ZPBP: variants seen among roughly 807,000 people sequenced by gnomAD.
The protein encoded by ZPBP is zona pellucida-binding protein 1.
Under a neutral mutation model 44.8 loss-of-function variants are expected in ZPBP, and 26 were observed. The ratio of observed to expected loss-of-function variants is 0.58; its 90% CI spans 0.43 to 0.81. The LOEUF is 0.81. Ranked by LOEUF, ZPBP falls within the 30% of genes least tolerant of loss-of-function variation. ZPBP has a pLI of 0.00. For synonymous variants in ZPBP, 174 were observed against 153.2 expected (o/e 1.14, Z -1.00); for missense variants, 409 against 434.0 (o/e 0.94, Z 0.51).
At chr7:50,048,620 A>C (rs1800512991) in intron 4 of ZPBP, among the ~76,000 whole-genome samples, 1 of 152,118 alleles carries the variant, frequency 6.6e-6, no homozygotes, top group Non-Finnish European at 1.5e-5. Flanking sequence ...ATAAGTTAGA[A>C]ATAATCTTGA....
At chr7:50,011,534 T>A (rs1798583572) in intron 6 of ZPBP, among the ~76,000 whole-genome samples, 1 of 152,164 alleles carries the variant, frequency 6.6e-6, no homozygotes, top group Non-Finnish European at 1.5e-5. Context: ...CCACTTTTAG[T>A]TAATTATAAA....
chr7:49,844,275 T>G, the ZPBP span, among the ~76,000 whole-genome samples: 1 of 152,214 alleles, frequency 6.6e-6, no homozygotes, highest in Non-Finnish European at 1.5e-5. Context: ...GTCGATTCTA[T>G]CCTCTCAACC....
intron 2 of ZPBP, among the ~76,000 whole-genome samples, chr7:49,898,360 T>G (rs1424322464): frequency 2.0e-5 from 3 of 152,098 alleles, no homozygotes; most frequent in African/African-American, 7.2e-5. Flanking sequence ...ATGATGTTAC[T>G]TCTTTCTTTA....
At chr7:49,983,273 C>T (rs996441854) in intron 7 of ZPBP, 69 bp downstream of exon 7, 12 of 1,393,690 alleles carry the variant, frequency 8.6e-6, no homozygotes, top group Non-Finnish European at 1.2e-5. Flanking sequence ...GATATGCATT[C>T]ACTTAGGCTT....
chr7:50,028,408 C>T (rs1799434155), intron 5 of ZPBP, among the ~76,000 whole-genome samples: 1 of 151,976 alleles, frequency 6.6e-6, no homozygotes, highest in African/African-American at 2.4e-5. Flanking sequence ...AGCTTTCCTC[C>T]TAAGATCAAG....
In ZPBP at chr7:50,032,339, G is replaced by T. The variant is rs146548458; in HGVS notation, c.488-1029C>A. Among the ~76,000 whole-genome samples the T allele has an allele frequency of 7.2e-4, 109 of 152,146 alleles. 2 individuals carry two copies. The East Asian group carries it at 0.019, about 27-fold the overall frequency. On this transcript the variant is annotated intron_variant, in intron 4 of 7. Coordinates refer to ENST00000046087, the MANE Select transcript of ZPBP (RefSeq NM_007009.3). ...TCACATAGAATAACTGAACCTGAGG[G>T]GTCAGAGCTGGAACTATAGTTGAGT...
intron 1 of ZPBP, among the ~76,000 whole-genome samples, chr7:49,922,558 C>A (rs1794068391): frequency 6.6e-6 from 1 of 152,142 alleles, no homozygotes; most frequent in Non-Finnish European, 1.5e-5. Flanking sequence ...ACCTACCAGA[C>A]CAACGGCTGG....
rs113553469 is a variant in ZPBP, at chr7:49,939,678, G to A, written c.962-2056C>T. ...GTAAAACATTTAATATTAAAATTAA[G>A]AAATTAATTTTAAAAATCATAAAAG... is the stretch of plus-strand genomic sequence containing the variant. On this transcript the variant is annotated intron_variant, in intron 7 of 7. Coordinates refer to ENST00000046087, the MANE Select transcript of ZPBP (RefSeq NM_007009.3). Among the ~76,000 whole-genome samples, 933 of 152,070 alleles carry A rather than the reference G, an allele frequency of 6.1e-3. 10 individuals carry two copies. Among genetic ancestry groups the A allele is most frequent in the African/African-American group, 0.022 (893 of 41,520 alleles).
At chr7:49,982,407 A>C (rs1023019451) in intron 7 of ZPBP, among the ~76,000 whole-genome samples, 2 of 140,716 alleles carry the variant, frequency 1.4e-5, no homozygotes, top group African/African-American at 5.2e-5. Flanking sequence ...AAAAAGTTAC[A>C]AAGTTAACAG....
intron 4 of ZPBP, among the ~76,000 whole-genome samples, chr7:50,043,631 C>T (rs1800202597): frequency 6.6e-6 from 1 of 152,158 alleles, no homozygotes; most frequent in Admixed American, 6.5e-5. Flanking sequence ...AGCTAACTAT[C>T]CTAAATATAT....
intron 4 of ZPBP, among the ~76,000 whole-genome samples, chr7:50,035,137 T>A (rs1033593955): frequency 6.6e-6 from 1 of 152,242 alleles, no homozygotes; most frequent in Non-Finnish European, 1.5e-5. Flanking sequence ...CTGGAACTGC[T>A]CTCTCCTATG....
intron 6 of ZPBP, among the ~76,000 whole-genome samples, chr7:49,998,676 G>T (rs914446612): frequency 6.6e-6 from 1 of 152,092 alleles, no homozygotes; most frequent in African/African-American, 2.4e-5. Flanking sequence ...TAAGACTAGA[G>T]AGCCAATTCC....
At chr7:50,069,827 T>C (rs184228414) in intron 3 of ZPBP, among the ~76,000 whole-genome samples, 3 of 152,162 alleles carry the variant, frequency 2.0e-5, no homozygotes, top group East Asian at 1.9e-4. Flanking sequence ...TCCCCTGTCA[T>C]AGCCTGCTGC....
At chr7:49,941,653 T>C (rs969619950) in intron 7 of ZPBP, among the ~76,000 whole-genome samples, 3 of 151,850 alleles carry the variant, frequency 2.0e-5, no homozygotes, top group African/African-American at 4.8e-5. Flanking sequence ...CACAAATAAA[T>C]AGAAAGACAT....
chr7:50,014,208 A>G (rs1798709786), intron 6 of ZPBP, among the ~76,000 whole-genome samples: 1 of 152,030 alleles, frequency 6.6e-6, no homozygotes, highest in South Asian at 2.1e-4. Flanking sequence ...TTTCAAGGAA[A>G]CTCCAATCCT....
chr7:49,992,729 T>C (rs1797626852), intron 6 of ZPBP, among the ~76,000 whole-genome samples: 2 of 152,168 alleles, frequency 1.3e-5, no homozygotes. Flanking sequence ...AAAGCAAATG[T>C]AGAAAACGGA....
intron 7 of ZPBP, 43 bp downstream of exon 7, chr7:49,983,299 A>G (rs1465213848): frequency 1.9e-6 from 3 of 1,585,146 alleles, no homozygotes; most frequent in South Asian, 2.2e-5. Context: ...AAACACATAA[A>G]TTTTCAACAA....
At chr7:49,936,530 A>T (rs972018812), downstream of ZPBP, among the ~76,000 whole-genome samples, 2 of 152,224 alleles carry the variant, frequency 1.3e-5, no homozygotes, top group Non-Finnish European at 2.9e-5. Context: ...AGCATAGGGT[A>T]TGTTTGCCAT....
intron 7 of ZPBP, among the ~76,000 whole-genome samples, chr7:49,945,386 C>T (rs188215741): frequency 1.3e-5 from 2 of 152,116 alleles, no homozygotes; most frequent in Admixed American, 6.5e-5. Flanking sequence ...GAGATTAAGC[C>T]TGATATTTCT....
Sources: gnomAD v4.1 joint callset for allele counts (sites outside exome capture counted in the v4.1 genomes callset) on GRCh38, gnomAD v4.1.1 for gene constraint, MANE v1.5 for transcripts, NCBI Gene and HGNC (gene_info 2026-07-23, HGNC 2026-07-21) for gene names.